Variants in MSRB3 observed in about 807,000 individuals in gnomAD.
The protein encoded by MSRB3 is methionine-R-sulfoxide reductase B3.
MSRB3 carries 13 observed loss-of-function variants against 21.0 expected under a neutral mutation model. That is an observed-to-expected ratio of 0.62 (90% CI 0.40 to 0.98). The LOEUF is 0.98. Among genes scored for constraint, MSRB3 ranks in the 50% least tolerant of loss-of-function variants. The pLI is 0.00. For synonymous variants in MSRB3, 87 were observed against 88.6 expected (o/e 0.98, Z 0.10); for missense variants, 199 against 230.3 (o/e 0.86, Z 0.88).
At chr12:65,307,922 A>G (rs1201949105) in intron 1 of MSRB3, among the ~76,000 whole-genome samples, 1 of 152,202 alleles carries the variant, frequency 6.6e-6, no homozygotes, top group Non-Finnish European at 1.5e-5. Context: ...CTATTTTATA[A>G]AATGAAATTC....
At chr12:65,377,484 G>A (rs938000650) in intron 5 of MSRB3, among the ~76,000 whole-genome samples, 39 of 152,052 alleles carry the variant, frequency 2.6e-4, no homozygotes, top group Non-Finnish European at 4.7e-4. Context: ...ATTTTCAGTA[G>A]AGATGGGGTT....
At chr12:65,433,489 C>T (rs1197169996) in intron 5 of MSRB3, among the ~76,000 whole-genome samples, 1 of 151,832 alleles carries the variant, frequency 6.6e-6, no homozygotes. Context: ...CTTCTGGTCT[C>T]AGTCTTCTGC....
At chr12:65,381,619 C>T (rs1406651002) in intron 5 of MSRB3, among the ~76,000 whole-genome samples, 2 of 151,910 alleles carry the variant, frequency 1.3e-5, no homozygotes, top group Non-Finnish European at 2.9e-5. Context: ...CTTTTTAGTT[C>T]TTATGTCTTG....
chr12:65,306,891 G>C, intron 1 of MSRB3: 1 of 985,838 alleles, frequency 1.0e-6, no homozygotes, highest in Non-Finnish European at 1.2e-6. Context: ...CTTCCTGTGC[G>C]CTGGCTTTGA....
intron 5 of MSRB3, among the ~76,000 whole-genome samples, chr12:65,408,660 G>C (rs1880550947): frequency 1.3e-5 from 2 of 152,148 alleles, no homozygotes; most frequent in Admixed American, 1.3e-4. Context: ...CCGACTTTCA[G>C]TGAGCCTGCG....
At chr12:65,378,966 A>C (rs1490129131) in intron 5 of MSRB3, among the ~76,000 whole-genome samples, 1 of 152,240 alleles carries the variant, frequency 6.6e-6, no homozygotes, top group Non-Finnish European at 1.5e-5. Context: ...AACATATATC[A>C]GCCTAAAGCT....
chr12:65,299,654 G>T (rs1397761902), intron 1 of MSRB3, among the ~76,000 whole-genome samples: 1 of 152,196 alleles, frequency 6.6e-6, no homozygotes, highest in East Asian at 1.9e-4. Context: ...TTACTAATAA[G>T]AAGAAGGGAG....
At chr12:65,367,133 C>T (rs996840894) in intron 4 of MSRB3, among the ~76,000 whole-genome samples, 2 of 152,000 alleles carry the variant, frequency 1.3e-5, no homozygotes, top group African/African-American at 4.8e-5. Context: ...ATTCAAGGAC[C>T]GAATATGTTG....
chr12:65,402,574 G>A (rs952899825), intron 5 of MSRB3, among the ~76,000 whole-genome samples: 5 of 152,068 alleles, frequency 3.3e-5, no homozygotes, highest in African/African-American at 1.2e-4. Flanking sequence ...TCTTTAGCTC[G>A]AGGAGTTTAT....
In MSRB3 at chr12:65,361,759, T is replaced by C. The variant is rs887913794; in HGVS notation, c.264-7239T>C. Among the ~76,000 whole-genome samples, 7 of 152,152 alleles carry C rather than the reference T, an allele frequency of 4.6e-5. No individual in the cohort carries two copies. In the South Asian group the frequency reaches 8.3e-4, roughly 18 times the overall value. ...ATTTTCACATTAAAGTTAAAAGACG[T>C]ATAATACTATATTTTGTTAAACCAC... On this transcript the variant is annotated intron_variant, in intron 4 of 6. Transcript: ENST00000308259.
intron 5 of MSRB3, among the ~76,000 whole-genome samples, chr12:65,426,797 ATTCT>A (rs1304223919): frequency 6.6e-6 from 1 of 151,816 alleles, no homozygotes; most frequent in African/African-American, 2.4e-5. Context: ...GAGTTCATAG[ATTCT>A]TTCTTCTGCT....
intron 5 of MSRB3, among the ~76,000 whole-genome samples, chr12:65,422,181 T>C (rs1214421368): frequency 6.6e-6 from 1 of 151,654 alleles, no homozygotes; most frequent in Non-Finnish European, 1.5e-5. Flanking sequence ...GACCTAACTA[T>C]TCCAAATATA....
rs1019421199 is a variant in MSRB3, at chr12:65,465,210, G to A, written c.*1888G>A. 2.0e-5 allele frequency: 3 copies of A among 152,268 alleles called. No homozygotes were observed. The highest frequency in any genetic ancestry group is 2.1e-4 in the South Asian group (1 of 4,828). 9.4% of individuals were successfully genotyped at this position (152,268 alleles called of 1,614,324 possible). A position where few individuals can be genotyped will look rare whatever the true frequency, so the allele number is the denominator to read the frequency against. On this transcript the variant is annotated 3_prime_UTR_variant, in exon 7 of 7. Transcript: ENST00000308259. ...GCTGCTTTATAACATTAAGTCTGGC[G>A]GAATGGATGTCACTGTGCACAATAA...
In MSRB3 at chr12:65,404,395, T is replaced by C. The variant is rs1880299116; in HGVS notation, c.292+35369T>C. Among the ~76,000 whole-genome samples, 4 of 152,260 alleles carry C rather than the reference T, an allele frequency of 2.6e-5. No homozygotes were observed. In the South Asian group the frequency reaches 6.2e-4, roughly 24 times the overall value. On this transcript the variant is annotated intron_variant, in intron 5 of 6. Coordinates refer to ENST00000308259, the MANE Select transcript of MSRB3 (RefSeq NM_001031679.3). The stretch of plus-strand genomic sequence containing the variant: ...TTCCTGTCATCCCTTTTGTCATTGC[T>C]GTCATTCATTTCACTCATCAGTAAG...
Position 65,331,601 on chromosome 12 carries a change from G to A in MSRB3, c.263+2998G>A, listed in dbSNP as rs11836887. ...GTTTGCAGGGCATCTCAGTGGAGGC[G>A]CTCCACTACCAAACCATGTGAGCGG... is the stretch of plus-strand genomic sequence containing the variant. On this transcript the variant is annotated intron_variant, in intron 4 of 6. Coordinates refer to ENST00000308259, the MANE Select transcript of MSRB3 (RefSeq NM_001031679.3). Among the ~76,000 whole-genome samples the A allele has an allele frequency of 8.8e-3, 1,335 of 152,298 alleles. 19 individuals are homozygous for A. Among genetic ancestry groups the A allele is most frequent in the African/African-American group, 0.03 (1,264 of 41,562 alleles).
At chr12:65,379,219 T>TCC (rs1278654325) in intron 5 of MSRB3, among the ~76,000 whole-genome samples, 1 of 146,836 alleles carries the variant, frequency 6.8e-6, no homozygotes, top group African/African-American at 2.5e-5. Flanking sequence ...TCCATCCATC[T>TCC]ACCCATCCAC....
chr12:65,365,482 T>G (rs1236855376), intron 4 of MSRB3, among the ~76,000 whole-genome samples: 1 of 152,136 alleles, frequency 6.6e-6, no homozygotes, highest in Non-Finnish European at 1.5e-5. Flanking sequence ...AGAGATGGAT[T>G]GGAGAGCTGG....
intron 1 of MSRB3, among the ~76,000 whole-genome samples, chr12:65,303,816 G>A (rs1472014059): frequency 6.6e-6 from 1 of 152,108 alleles, no homozygotes; most frequent in Non-Finnish European, 1.5e-5. Flanking sequence ...AATTGGAGGC[G>A]TTAGGAATGG....
chr12:65,436,463 A>G (rs1386895044), intron 5 of MSRB3, among the ~76,000 whole-genome samples: 1 of 151,734 alleles, frequency 6.6e-6, no homozygotes, highest in Admixed American at 6.6e-5. Context: ...TTTCCATTGT[A>G]ATCCCATATA....
Sources: gnomAD v4.1 joint callset for allele counts (sites outside exome capture counted in the v4.1 genomes callset) on GRCh38, gnomAD v4.1.1 for gene constraint, MANE v1.5 for transcripts, NCBI Gene and HGNC (gene_info 2026-07-23, HGNC 2026-07-21) for gene names.